LMLN: variants seen among roughly 807,000 people sequenced by gnomAD.
LMLN encodes the protein leishmanolysin-like peptidase.
In LMLN, 70 loss-of-function variants were observed where a neutral mutation model predicts 92.3. The observed-to-expected ratio is 0.76, with a 90% CI of 0.63 to 0.92. The LOEUF (loss-of-function observed/expected upper bound fraction) is 0.92. LMLN is among the 40% of genes least tolerant of loss of function. The pLI, the probability that LMLN is intolerant of heterozygous loss-of-function variation, is 0.00. For missense variants in LMLN, 691 were observed against 814.6 expected, an observed-to-expected ratio of 0.85 and a Z score of 1.85; for synonymous variants, 308 against 296.2, an observed-to-expected ratio of 1.04 and a Z score of -0.41.
intron 15 of LMLN, among the ~76,000 whole-genome samples, chr3:198,038,155 T>A (rs571629779): frequency 2.8e-4 from 42 of 152,354 alleles, no homozygotes; most frequent in South Asian, 1.5e-3. Context: ...GTTGTCATTA[T>A]TAATAGTACT....
intron 11 of LMLN, 86 bp downstream of exon 12, chr3:198,003,211 C>A: frequency 2.6e-6 from 2 of 777,412 alleles, no homozygotes; most frequent in Non-Finnish European, 4.1e-6. Flanking sequence ...ATGCTATTTT[C>A]AAAATGTAGT....
At chr3:198,005,407 A>G (rs1002438030) in intron 11 of LMLN, among the ~76,000 whole-genome samples, 1 of 152,096 alleles carries the variant, frequency 6.6e-6, no homozygotes, top group Non-Finnish European at 1.5e-5. Context: ...ATGCTTATGT[A>G]AAAGTTTCTT....
At chr3:197,994,466 A>C (rs1405070946) in intron 9 of LMLN, 1 of 152,242 alleles carries the variant, frequency 6.6e-6, no homozygotes, top group African/African-American at 2.4e-5. Context: ...GACATTTCTC[A>C]AAAGAAGACA....
At chr3:197,965,600 C>T (rs1388876601) in intron 1 of LMLN, among the ~76,000 whole-genome samples, 1 of 152,070 alleles carries the variant, frequency 6.6e-6, no homozygotes, top group Non-Finnish European at 1.5e-5. Flanking sequence ...GTGATTGATA[C>T]TTTACTTCAG....
intron 11 of LMLN, among the ~76,000 whole-genome samples, chr3:198,005,757 C>G (rs1462743934): frequency 6.6e-6 from 1 of 151,914 alleles, no homozygotes; most frequent in Non-Finnish European, 1.5e-5. Flanking sequence ...GCCTCAGCCT[C>G]CTGAATAGCT....
rs753834924 is a variant in LMLN at position 197,974,456 on chromosome 3, AT to A, written c.300del (p.Tyr100Ter). The A allele has an allele frequency of 6.4e-7, 1 of 1,555,948 alleles. No homozygotes were observed. Among genetic ancestry groups the A allele is most frequent in the Non-Finnish European group, 8.8e-7 (1 of 1,140,576 alleles). On this transcript the variant is annotated frameshift_variant, in exon 2 of 16. Coordinates refer to ENST00000330198, the Ensembl canonical transcript of LMLN. LOFTEE classifies it high-confidence loss of function. ...GAGCATTTAAGAATCAAGACTGTCT[AT>A]GATAAAAGTGTTGAAGAGTAAGTAC...
intron 6 of LMLN, 36 bp from the exon 7 acceptor site, chr3:197,983,907 G>A: frequency 7.6e-7 from 1 of 1,322,200 alleles, no homozygotes; most frequent in Non-Finnish European, 1.1e-6. Context: ...TATTGTTCTG[G>A]AATGTAATTT....
chr3:197,983,087 T>A (rs573305282), intron 6 of LMLN, among the ~76,000 whole-genome samples: 1 of 152,364 alleles, frequency 6.6e-6, no homozygotes, highest in South Asian at 2.1e-4. Flanking sequence ...AATAAAAGAA[T>A]TGTATTCATA....
At chr3:197,987,350 A>G (rs1721742056) in intron 8 of LMLN, among the ~76,000 whole-genome samples, 6 of 148,332 alleles carry the variant, frequency 4.0e-5, no homozygotes, top group South Asian at 2.2e-4. Context: ...TAGTAGAGAC[A>G]GGGTTTCACC....
At chr3:197,989,889 T>A (rs1721817502) in intron 8 of LMLN, among the ~76,000 whole-genome samples, 1 of 152,078 alleles carries the variant, frequency 6.6e-6, no homozygotes, top group Admixed American at 6.6e-5. Flanking sequence ...GAAAAAAATT[T>A]TTCTGGACTG....
At chr3:197,992,534 T>G (rs532192365) in intron 9 of LMLN, among the ~76,000 whole-genome samples, 1 of 152,222 alleles carries the variant, frequency 6.6e-6, no homozygotes, top group African/African-American at 2.4e-5. Flanking sequence ...CTGGATAACC[T>G]AGAAGAAATG....
At chr3:198,041,054 A>G (rs1237051388) in exon 16 of LMLN, 2 of 152,284 alleles carry the variant, frequency 1.3e-5, no homozygotes, top group East Asian at 1.9e-4. Context: ...TCAGTACTCC[A>G]TTGAAGAAAT....
intron 11 of LMLN, 135 bp from the exon 12 acceptor site, chr3:198,002,880 T>TA (rs889815044): frequency 1.4e-5 from 8 of 568,852 alleles, no homozygotes; most frequent in African/African-American, 1.3e-4. Flanking sequence ...AGTGATCACT[T>TA]ACAGTGATGG....
At chr3:197,985,989 C>T (rs1262890627) in intron 8 of LMLN, 99 bp downstream of exon 8, 1 of 720,618 alleles carries the variant, frequency 1.4e-6, no homozygotes, top group Non-Finnish European at 2.3e-6. Flanking sequence ...ATAATAATGT[C>T]TTCATGGCAA....
At chr3:197,987,494 C>T (rs1721746772) in intron 8 of LMLN, among the ~76,000 whole-genome samples, 1 of 152,120 alleles carries the variant, frequency 6.6e-6, no homozygotes, top group African/African-American at 2.4e-5. Context: ...AAAGAAAACC[C>T]TCTTTATATT....
chr3:198,012,098 C>T (rs2109919082), intron 11 of LMLN, among the ~76,000 whole-genome samples: 1 of 152,296 alleles, frequency 6.6e-6, no homozygotes, highest in South Asian at 2.1e-4. Context: ...CGGAGTTTCA[C>T]TCTGCCACCC....
At chr3:198,024,581 T>G (rs540638050) in intron 13 of LMLN, 77 bp from the exon 15 acceptor site, 1 of 1,286,374 alleles carries the variant, frequency 7.8e-7, no homozygotes, top group Non-Finnish European at 1.0e-6. Flanking sequence ...CTTTTAATCA[T>G]AAAAATGGAA....
At chr3:197,998,500 T>A (rs902109965) in intron 10 of LMLN, among the ~76,000 whole-genome samples, 1 of 152,242 alleles carries the variant, frequency 6.6e-6, no homozygotes, top group African/African-American at 2.4e-5. Flanking sequence ...GTTTGTGCTT[T>A]TCAGCAGAAG....
rs1723428694 is a variant in LMLN at position 198,042,300 on chromosome 3, A to G, written c.*3633A>G. ...CTCAGCACTTCGGGAGGCCAAGGCA[A>G]GCAGATCACGAGATCAGGAGTTTGA... On this transcript the variant is annotated 3_prime_UTR_variant, in exon 16 of 16. Transcript: ENST00000330198. This position sits in a 1 kb window ranked among gnomAD's most constrained non-coding sequence, Gnocchi z 4.2. The G allele has an allele frequency of 6.6e-6, 1 of 152,094 alleles. No individual in the cohort carries two copies. The highest frequency in any genetic ancestry group is 2.4e-5 in the African/African-American group (1 of 41,388). 9.4% of individuals were successfully genotyped at this position (152,094 alleles called of 1,614,324 possible). A position where few individuals can be genotyped will look rare whatever the true frequency, so the allele number is the denominator to read the frequency against.
Sources: allele counts gnomAD v4.1 joint callset (sites outside exome capture counted in the v4.1 genomes callset), GRCh38; gene constraint gnomAD v4.1.1; non-coding constraint Gnocchi (gnomAD v3.1); transcripts MANE v1.5; gene names NCBI Gene and HGNC (gene_info 2026-07-23, HGNC 2026-07-21).